ULK4: variants seen among roughly 807,000 people sequenced by gnomAD.
ULK4 encodes the protein unc-51 like kinase 4.
In ULK4, 133 loss-of-function variants were observed where a neutral mutation model predicts 160.6. That is an observed-to-expected ratio of 0.83 (90% confidence interval 0.72 to 0.96). ULK4 has a LOEUF of 0.96. Among genes scored for constraint, ULK4 ranks in the 40% least tolerant of loss-of-function variants. ULK4 has a pLI of 0.00. For missense variants in ULK4, 1,580 were observed against 1,499.5 expected, an observed-to-expected ratio of 1.05 and a Z score of -0.89; for synonymous variants, 534 against 539.8, an observed-to-expected ratio of 0.99 and a Z score of 0.15.
intron 22 of ULK4, among the ~76,000 whole-genome samples, chr3:41,732,707 C>T (rs889354124): frequency 1.2e-4 from 18 of 151,948 alleles, no homozygotes; most frequent in African/African-American, 2.4e-4. Flanking sequence ...AGCAAAGATA[C>T]GGAATCAACC....
chr3:41,805,501 C>A (rs973995805), intron 19 of ULK4, among the ~76,000 whole-genome samples: 1 of 151,994 alleles, frequency 6.6e-6, no homozygotes. Context: ...ATTGCCCTGG[C>A]CAGAACTTCC....
chr3:41,478,479 A>G (rs1372205668), intron 32 of ULK4, among the ~76,000 whole-genome samples: 2 of 152,192 alleles, frequency 1.3e-5, no homozygotes, highest in Non-Finnish European at 2.9e-5. Flanking sequence ...GGATCCTCCT[A>G]TGATTAGCAA....
intron 29 of ULK4, among the ~76,000 whole-genome samples, chr3:41,667,431 G>A (rs1453135985): frequency 6.6e-6 from 1 of 152,220 alleles, no homozygotes; most frequent in Non-Finnish European, 1.5e-5. Flanking sequence ...ATAATGGTCA[G>A]CAAGATCTAG....
chr3:41,789,190 G>A (rs1399903166), intron 21 of ULK4, among the ~76,000 whole-genome samples: 2 of 152,108 alleles, frequency 1.3e-5, no homozygotes, highest in Non-Finnish European at 2.9e-5. Context: ...ATATAATAAA[G>A]GCATATAAAG....
chr3:41,915,962 A>G lies in ULK4; in HGVS notation c.803+15T>C. On this transcript the variant is annotated intron_variant, in intron 8 of 36. Coordinates refer to ENST00000301831, the MANE Select transcript of ULK4 (RefSeq NM_017886.4). ...TCAAAAGAAAAAGAAAAAAAGATCGAACTACTGTCCCTACCTTTTCTGAGG... is the reference window on the plus strand; with the variant it reads ...TCAAAAGAAAAAGAAAAAAAGATCGGACTACTGTCCCTACCTTTTCTGAGG... The G allele has an allele frequency of 5.8e-6, 9 of 1,556,152 alleles. No individual in the cohort carries two copies. Among genetic ancestry groups the G allele is most frequent in the Non-Finnish European group, 7.8e-6 (9 of 1,149,484 alleles).
intron 32 of ULK4, among the ~76,000 whole-genome samples, chr3:41,549,527 C>T (rs1442493121): frequency 6.6e-6 from 1 of 152,052 alleles, no homozygotes; most frequent in Non-Finnish European, 1.5e-5. Context: ...ATCAAAAAAG[C>T]TTCTCTGATA....
chr3:41,304,995 T>C (rs930895852), intron 35 of ULK4, among the ~76,000 whole-genome samples: 1 of 152,084 alleles, frequency 6.6e-6, no homozygotes, highest in African/African-American at 2.4e-5. Context: ...TCTCCTAATA[T>C]AGAGAAGGGT....
At position 41,692,242 on chromosome 3, in the gene ULK4, C is replaced by T. The variant is rs569619168; in HGVS notation, c.2782-10438G>A. On this transcript the variant is annotated intron_variant, in intron 27 of 36. Coordinates refer to ENST00000301831, the MANE Select transcript of ULK4 (RefSeq NM_017886.4). ...CTGGGATTACAGGCGTGAGCCACCG[C>T]GCCGGCCCATTAAATCACTTCTAAT... 2.3e-3 allele frequency among the ~76,000 whole-genome samples: 349 copies of T among 148,606 alleles called. 3 individuals carry two copies. The highest frequency in any genetic ancestry group is 4.3e-3 in the Non-Finnish European group (281 of 65,894).
At chr3:41,907,637 C>T (rs1716665) in intron 12 of ULK4, among the ~76,000 whole-genome samples, 141,258 of 152,142 alleles carry the variant, frequency 0.93, 66,413 homozygotes, top group East Asian at 1. Flanking sequence ...GTCAACTGTA[C>T]CTCAAGGAAA....
intron 19 of ULK4, among the ~76,000 whole-genome samples, chr3:41,808,699 A>G (rs573332754): frequency 6.6e-6 from 1 of 152,396 alleles, no homozygotes; most frequent in Non-Finnish European, 1.5e-5. Context: ...TATTGTAGGC[A>G]GCCTTAACAA....
intron 32 of ULK4, among the ~76,000 whole-genome samples, chr3:41,554,288 T>C (rs1340737080): frequency 6.6e-6 from 1 of 152,152 alleles, no homozygotes; most frequent in Non-Finnish European, 1.5e-5. Context: ...TAGTATTCTA[T>C]CCATGTATAG....
intron 35 of ULK4, among the ~76,000 whole-genome samples, chr3:41,285,900 C>T (rs1369960717): frequency 2.6e-5 from 4 of 152,138 alleles, no homozygotes; most frequent in Non-Finnish European, 4.4e-5. Context: ...CTAACACTTT[C>T]TGCATATGCA....
At chr3:41,946,970 A>G (rs938965460) in intron 2 of ULK4, among the ~76,000 whole-genome samples, 1 of 146,788 alleles carries the variant, frequency 6.8e-6, no homozygotes, top group African/African-American at 2.4e-5. Context: ...AAATATGATC[A>G]CAGAAGGGGA....
chr3:41,770,387 T>C (rs886908744), intron 21 of ULK4, among the ~76,000 whole-genome samples: 4 of 152,192 alleles, frequency 2.6e-5, no homozygotes, highest in Admixed American at 6.5e-5. Context: ...CTGGGGAATT[T>C]TTCTGTAGGG....
At chr3:41,771,957 G>A (rs1433085180) in intron 21 of ULK4, among the ~76,000 whole-genome samples, 1 of 152,040 alleles carries the variant, frequency 6.6e-6, no homozygotes, top group African/African-American at 2.4e-5. Context: ...CCTCTGTCCT[G>A]CCTCTCCCCA....
At chr3:41,518,093 T>A (rs2085812348) in intron 32 of ULK4, among the ~76,000 whole-genome samples, 1 of 152,176 alleles carries the variant, frequency 6.6e-6, no homozygotes, top group East Asian at 1.9e-4. Flanking sequence ...CAAACTATCA[T>A]GTCCAGAAAT....
chr3:41,370,525 G>A (rs908630100), intron 35 of ULK4, among the ~76,000 whole-genome samples: 1 of 152,164 alleles, frequency 6.6e-6, no homozygotes, highest in Non-Finnish European at 1.5e-5. Context: ...AAAGCAGGGT[G>A]GGGCATTGCC....
chr3:41,932,937 A>C (rs1699645118), intron 4 of ULK4, among the ~76,000 whole-genome samples: 1 of 152,130 alleles, frequency 6.6e-6, no homozygotes, highest in Non-Finnish European at 1.5e-5. Context: ...CCAGCTACTC[A>C]GGAGGCTGAG....
intron 21 of ULK4, among the ~76,000 whole-genome samples, chr3:41,758,342 G>A (rs1229176968): frequency 6.6e-6 from 1 of 152,042 alleles, no homozygotes; most frequent in Non-Finnish European, 1.5e-5. Flanking sequence ...CAAAATTGAG[G>A]GAGAGGTAAA....
Sources: allele counts gnomAD v4.1 joint callset (sites outside exome capture counted in the v4.1 genomes callset), GRCh38; gene constraint gnomAD v4.1.1; transcripts MANE v1.5; gene names NCBI Gene and HGNC (gene_info 2026-07-23, HGNC 2026-07-21).